GK: variants seen among roughly 807,000 people sequenced by gnomAD.
GK encodes the protein ATP:glycerol 3-phosphotransferase.
A neutral mutation model predicts 56.4 loss-of-function variants in GK; 9 were observed. The observed-to-expected ratio is 0.16, with a 90% CI of 0.10 to 0.28. GK has a LOEUF of 0.28. Ranked by LOEUF, GK falls within the 10% of genes least tolerant of loss-of-function variation. The pLI, the probability that GK is intolerant of heterozygous loss-of-function variation, is 1.00. For synonymous variants in GK, 104 were observed against 144.1 expected (o/e 0.72, Z 1.99); for missense variants, 161 against 431.4 (o/e 0.37, Z 5.55).
At chrX:30,718,509 TTC>T (rs1485079288) in intron 13 of GK, 27 bp from the exon 14 acceptor site, 1 of 1,002,542 alleles carries the variant, frequency 1.0e-6, no homozygotes, top group Non-Finnish European at 1.4e-6. Context: ...ATAAAATATA[TTC>T]TGTCTTGAAT....
intron 12 of GK, among the ~76,000 whole-genome samples, 155 bp from the exon 13 acceptor site, chrX:30,707,899 C>G (rs4486355): frequency 9.0e-6 from 1 of 111,649 alleles, no homozygotes; most frequent in South Asian, 3.7e-4. Flanking sequence ...TAAATGTGTT[C>G]TTAATTCTGA....
intron 13 of GK, among the ~76,000 whole-genome samples, chrX:30,711,145 G>A (rs1467679340): frequency 1.9e-5 from 2 of 105,274 alleles, no homozygotes; most frequent in African/African-American, 6.9e-5. Flanking sequence ...TTTTGCTGAG[G>A]GGCATCCTTC....
At chrX:30,656,586 C>T (rs1296292155) in intron 1 of GK, among the ~76,000 whole-genome samples, 2 of 111,289 alleles carry the variant, frequency 1.8e-5, no homozygotes, top group African/African-American at 3.3e-5. Context: ...TTCCTCAAAC[C>T]GTTATTCAGA....
At position 30,719,430 on chromosome X, in the gene GK, A is replaced by G; in HGVS notation, c.1066A>G (p.Lys356Glu). The G allele has an allele frequency of 8.6e-7, 1 of 1,164,113 alleles. No homozygotes were observed. Among genetic ancestry groups the G allele is most frequent in the Non-Finnish European group, 1.2e-6 (1 of 852,945 alleles). ...KTSEEIEKLA[K>E]EVGTSYGCYF... ...GTTTTTAATGTTAGAAAAACTTGCT[A>G]AAGAAGTAGGTACTTCTTATGGCTG... The change falls in exon 15 of 21, where the codon AAA becomes GAA. Residue 356 changes from lysine to glutamate, a missense_variant. Lys to Glu is a moderately conservative substitution (Grantham distance 56, BLOSUM62 1). Transcript: ENST00000427190.
At chrX:30,699,220 T>TTATATATACATGTTATGTATAACATG (rs1935441129) in intron 9 of GK, among the ~76,000 whole-genome samples, 4 of 99,256 alleles carry the variant, frequency 4.0e-5, no homozygotes, top group Non-Finnish European at 6.0e-5. Flanking sequence ...TATATACATG[T>TTATATATACATGTTATGTATAACATG]TATATATACA....
At chrX:30,663,226 G>T (rs1430163729) in intron 1 of GK, among the ~76,000 whole-genome samples, 1 of 110,828 alleles carries the variant, frequency 9.0e-6, no homozygotes, top group East Asian at 2.8e-4. Context: ...GAGTAGCAGG[G>T]AGCAGCTGTA....
At chrX:30,660,995 G>A (rs943849738) in intron 1 of GK, among the ~76,000 whole-genome samples, 7 of 109,030 alleles carry the variant, frequency 6.4e-5, no homozygotes, top group African/African-American at 2.3e-4. Flanking sequence ...TGTGTTTTTA[G>A]TAGGGACGGG....
intron 1 of GK, among the ~76,000 whole-genome samples, chrX:30,659,317 G>C (rs1470796739): frequency 8.9e-6 from 1 of 112,701 alleles, no homozygotes; most frequent in African/African-American, 3.2e-5. Flanking sequence ...ACAGGCGTGA[G>C]CCACCGTGCT....
At chrX:30,698,739 G>C (rs1935381592) in intron 9 of GK, among the ~76,000 whole-genome samples, 1 of 105,646 alleles carries the variant, frequency 9.5e-6, no homozygotes, top group Non-Finnish European at 1.9e-5. Context: ...GCTGGCACAT[G>C]CCTGTATTCC....
rs777776221 is a variant in GK, at chrX:30,677,848, A to G, written c.337+396A>G. On this transcript the variant is annotated intron_variant, in intron 4 of 20. Coordinates refer to ENST00000427190, the MANE Select transcript of GK (RefSeq NM_001205019.2). ...TCAAAAAAAAAAAAAGAAAGAAAAA[A>G]AAAAACACATGCAGTCATGGTACCT... The G allele has an allele frequency of 4.0e-5, 17 of 429,073 alleles. No homozygotes were observed. The African/African-American group carries it at 4.3e-4, about 11-fold the overall frequency. 35.4% of individuals were successfully genotyped at this position (429,073 alleles called of 1,213,427 possible).
intron 4 of GK, among the ~76,000 whole-genome samples, chrX:30,679,261 T>C (rs1934137741): frequency 9.3e-6 from 1 of 107,810 alleles, no homozygotes. Context: ...AGTCTTCTCT[T>C]TCACTCAGGC....
At chrX:30,708,019 C>A in intron 12 of GK, 35 bp from the exon 13 acceptor site, 1 of 863,762 alleles carries the variant, frequency 1.2e-6, no homozygotes, top group Non-Finnish European at 1.7e-6. Context: ...TTTTCATTTT[C>A]CACTACTGAA....
chrX:30,696,472 G>T (rs1252650313), intron 7 of GK, 145 bp from the exon 8 acceptor site: 13 of 480,794 alleles, frequency 2.7e-5, no homozygotes. Context: ...TGTTCTGTTG[G>T]CTTACGTATT....
intron 9 of GK, among the ~76,000 whole-genome samples, chrX:30,699,247 TTATATATACATGTTA>T: frequency 1.0e-5 from 1 of 99,147 alleles, no homozygotes; most frequent in South Asian, 4.6e-4. Flanking sequence ...GTATAACATG[TTATATATACATGTTA>T]TGTATAACAT....
At chrX:30,702,614 C>G (rs948150775) in intron 11 of GK, among the ~76,000 whole-genome samples, 8 of 111,998 alleles carry the variant, frequency 7.1e-5, no homozygotes, top group Non-Finnish European at 1.3e-4. Flanking sequence ...GTGGGAGATG[C>G]AATATTTGCA....
At chrX:30,725,769 A>G (rs1030996536) in intron 19 of GK, among the ~76,000 whole-genome samples, 3 of 110,941 alleles carry the variant, frequency 2.7e-5, no homozygotes, top group Admixed American at 1.9e-4. Context: ...CTCCTGCCTC[A>G]GCCTCCTGAG....
intron 10 of GK, 81 bp downstream of exon 10, chrX:30,700,530 C>T (rs1453599288): frequency 3.6e-6 from 3 of 831,755 alleles, no homozygotes; most frequent in African/African-American, 4.0e-5. Flanking sequence ...ATCAGTGTGC[C>T]TCTTTTTAAA....
intron 1 of GK, among the ~76,000 whole-genome samples, chrX:30,658,378 C>T (rs919324542): frequency 8.1e-5 from 9 of 110,603 alleles, no homozygotes; most frequent in Non-Finnish European, 1.1e-4. Flanking sequence ...TGCAGTGGCA[C>T]GATCTCAGCT....
intron 18 of GK, among the ~76,000 whole-genome samples, chrX:30,723,024 G>C (rs750130834): frequency 2.7e-4 from 30 of 112,043 alleles, no homozygotes; most frequent in South Asian, 3.8e-4. Flanking sequence ...CTGGGGTTGG[G>C]GGGCATGGGG....
Sources: gnomAD v4.1 joint callset for allele counts (sites outside exome capture counted in the v4.1 genomes callset) on GRCh38, gnomAD v4.1.1 for gene constraint, MANE v1.5 for transcripts, NCBI Gene and HGNC (gene_info 2026-07-23, HGNC 2026-07-21) for gene names.